Variants in RNF19A observed in about 807,000 individuals in gnomAD.
RNF19A encodes ring finger protein 19A, RBR E3 ubiquitin protein ligase.
A neutral mutation model predicts 75.7 loss-of-function variants in RNF19A; 32 were observed. That is an observed-to-expected ratio of 0.42 (90% CI 0.32 to 0.57). RNF19A has a LOEUF of 0.57. Among genes scored for constraint, RNF19A ranks in the 20% least tolerant of loss-of-function variants. RNF19A has a pLI of 0.10. For missense variants in RNF19A, 782 were observed against 1,036.3 expected (o/e 0.75, Z 3.37); for synonymous variants, 335 against 345.2 (o/e 0.97, Z 0.33).
chr8:100,281,857 A>G (rs1324259264), intron 2 of RNF19A, among the ~76,000 whole-genome samples: 1 of 152,214 alleles, frequency 6.6e-6, no homozygotes, highest in Non-Finnish European at 1.5e-5. Flanking sequence ...CAAGAGGCTC[A>G]TGTTTCTACT....
intron 2 of RNF19A, among the ~76,000 whole-genome samples, chr8:100,280,746 T>A (rs1008235043): frequency 2.0e-5 from 3 of 152,188 alleles, no homozygotes; most frequent in African/African-American, 7.2e-5. Context: ...ACCATAACAG[T>A]ATTAGGCACG....
intron 1 of RNF19A, among the ~76,000 whole-genome samples, chr8:100,328,799 G>A (rs989762449): frequency 6.6e-6 from 1 of 152,188 alleles, no homozygotes; most frequent in East Asian, 1.9e-4. Context: ...AGCAATGGTT[G>A]TGCAAATCTT....
At chr8:100,268,597 G>GT (rs945505123) in intron 5 of RNF19A, 188 bp downstream of exon 5, 3 of 386,414 alleles carry the variant, frequency 7.8e-6, no homozygotes, top group Non-Finnish European at 1.4e-5. Context: ...TGCTTTATAC[G>GT]TATTTATATA....
intron 1 of RNF19A, among the ~76,000 whole-genome samples, chr8:100,292,599 C>T (rs1563857113): frequency 6.6e-6 from 1 of 152,052 alleles, no homozygotes; most frequent in African/African-American, 2.4e-5. Flanking sequence ...CTTGCCCACT[C>T]TAAGATTATA....
intron 5 of RNF19A, 38 bp downstream of exon 5, chr8:100,268,747 G>GAAT: frequency 8.6e-7 from 1 of 1,158,818 alleles, no homozygotes; most frequent in Non-Finnish European, 1.2e-6. Flanking sequence ...TAAAGATTTA[G>GAAT]AATAAGATAA....
intron 3 of RNF19A, among the ~76,000 whole-genome samples, chr8:100,272,804 C>T (rs1022857239): frequency 3.3e-5 from 5 of 152,124 alleles, no homozygotes; most frequent in Non-Finnish European, 7.3e-5. Flanking sequence ...GCCGCTTTGG[C>T]CTCCCAAAGT....
rs1659453233 is a variant in RNF19A, at chr8:100,324,352, C to T, written c.-242-10980G>A. On this transcript the variant is annotated intron_variant, in intron 1 of 3. Transcript: ENST00000519527. This position sits in a 1 kb window ranked among gnomAD's most constrained non-coding sequence, Gnocchi z 4.2. The stretch of plus-strand genomic sequence containing the variant: ...CAATCAAGTTCAAGAGTTTGGATGA[C>T]TAAAGTTGATGATTAATCACAAAGA... 6.6e-6 allele frequency among the ~76,000 whole-genome samples: 1 copy of T among 152,158 alleles called. No individual in the cohort carries two copies. Among genetic ancestry groups the T allele is most frequent in the Admixed American group, 6.5e-5 (1 of 15,282 alleles).
Position 100,324,938 on chromosome 8 carries a change from A to T in RNF19A, c.-243+11170T>A. ...TTCTTTCTTTTCTTGATAGAGTCTC[A>T]CTCTGTCACCCAGGCTGGAGTGCAA... On this transcript the variant is annotated intron_variant, in intron 1 of 3. Transcript: ENST00000519527. The surrounding 1 kb of genome is among the most constrained non-coding windows in gnomAD (Gnocchi z 4.2). 7.4e-6 allele frequency among the ~76,000 whole-genome samples: 1 copy of T among 135,908 alleles called. No individual in the cohort carries two copies. Among genetic ancestry groups the T allele is most frequent in the Non-Finnish European group, 1.5e-5 (1 of 64,552 alleles). 89.2% of individuals were successfully genotyped at this position (135,908 alleles called of 152,430 possible). A position where few individuals can be genotyped will look rare whatever the true frequency, so the allele number is the denominator to read the frequency against.
At chr8:100,263,986 C>A (rs1819849273) in intron 7 of RNF19A, 48 bp downstream of exon 7, 1 of 1,546,216 alleles carries the variant, frequency 6.5e-7, no homozygotes, top group South Asian at 1.2e-5. Flanking sequence ...CTCCCCACTA[C>A]TTACACTGTT....
intron 2 of RNF19A, among the ~76,000 whole-genome samples, chr8:100,276,367 T>C (rs1427496665): frequency 1.3e-5 from 2 of 152,160 alleles, no homozygotes. Flanking sequence ...ATTTATATAT[T>C]TTTGAAATGT....
chr8:100,268,788 G>A lies in RNF19A; in HGVS notation c.1188C>T (p.Arg396=), dbSNP rs766240360. The change falls in exon 5 of 10, where the codon CGC becomes CGT. Residue 396 remains arginine (R), a synonymous_variant. Transcript: ENST00000341084. ...MIIGIPVYVG[R]KIHNRYEGKD... ...TAACAAGAAGTATGCATTTTACCTT[G>A]CGGCCCACATACACAGGAATGCCAA... The A allele has an allele frequency of 6.5e-7, 1 of 1,550,316 alleles. No homozygotes were observed. Among genetic ancestry groups the A allele is most frequent in the East Asian group, 2.4e-5 (1 of 41,398 alleles).
Position 100,259,279 on chromosome 8 carries a change from T to C in RNF19A, c.1827-33A>G, listed in dbSNP as rs1014722119. The C allele has an allele frequency of 3.9e-6, 6 of 1,537,340 alleles. No homozygotes were observed. The highest frequency in any genetic ancestry group is 4.5e-5 in the East Asian group (2 of 44,352). ...ATAAGAGTAACAAATACAAACATAA[T>C]TGCTGACTTCTTTTTGTTCAGATGA... On this transcript the variant is annotated intron_variant, in intron 9 of 9. Transcript: ENST00000341084. The surrounding 1 kb of genome is among the most constrained non-coding windows in gnomAD (Gnocchi z 4.5).
chr8:100,266,029 G>A (rs1320325933), intron 5 of RNF19A, among the ~76,000 whole-genome samples: 1 of 152,218 alleles, frequency 6.6e-6, no homozygotes, highest in Non-Finnish European at 1.5e-5. Context: ...GCAAAGGCAG[G>A]CTGCCAAGAG....
At chr8:100,297,245 TAA>T (rs764969844) in intron 1 of RNF19A, among the ~76,000 whole-genome samples, 2 of 152,222 alleles carry the variant, frequency 1.3e-5, no homozygotes, top group Non-Finnish European at 2.9e-5. Context: ...ATGTACAATC[TAA>T]ATACCTTTCA....
chr8:100,259,023 T>C lies in RNF19A; in HGVS notation c.2050A>G (p.Met684Val). 1.9e-6 allele frequency: 3 copies of C among 1,614,254 alleles called. No homozygotes were observed. The highest frequency in any genetic ancestry group is 1.6e-4 in the Middle Eastern group (1 of 6,062). The change falls in exon 10 of 10, where the codon ATG becomes GTG. Residue 684 changes from methionine (M) to valine (V), a missense_variant. Physicochemically the swap from Met to Val is conservative, Grantham distance 21. Transcript: ENST00000341084. This position sits in a 1 kb window ranked among gnomAD's most constrained non-coding sequence, Gnocchi z 4.5. ...TCCTCTCTCGTCTCATTTATCTTCA[T>C]GTTACCCTTTTTCCTCAGTTTACCA... ...KSGKLRKKGN[M>V]KINETREDMD... is the part of the protein sequence containing the mutation.
intron 1 of RNF19A, among the ~76,000 whole-genome samples, chr8:100,320,748 T>C (rs968258895): frequency 2.8e-5 from 4 of 143,844 alleles, no homozygotes; most frequent in Admixed American, 2.8e-4. Flanking sequence ...TAGCACAGTG[T>C]CTGGCACTTA....
At chr8:100,276,152 T>C (rs1341928704) in intron 2 of RNF19A, among the ~76,000 whole-genome samples, 1 of 152,152 alleles carries the variant, frequency 6.6e-6, no homozygotes, top group Admixed American at 6.5e-5. Context: ...TGTACACTAA[T>C]GTTCAAAGCA....
At chr8:100,263,489 G>A (rs1382911471) in intron 7 of RNF19A, among the ~76,000 whole-genome samples, 1 of 152,004 alleles carries the variant, frequency 6.6e-6, no homozygotes, top group Admixed American at 6.6e-5. Flanking sequence ...TAAGAAAGTA[G>A]GCATTATCTT....
At chr8:100,302,094 G>A (rs76872645) in intron 1 of RNF19A, among the ~76,000 whole-genome samples, 4,291 of 152,320 alleles carry the variant, frequency 0.028, 210 homozygotes, top group African/African-American at 0.095. Context: ...GGTTGTGTGG[G>A]GTTAAGGCCA....
Sources: allele counts gnomAD v4.1 joint callset (sites outside exome capture counted in the v4.1 genomes callset), GRCh38; gene constraint gnomAD v4.1.1; non-coding constraint Gnocchi (gnomAD v3.1); transcripts MANE v1.5; gene names NCBI Gene and HGNC (gene_info 2026-07-23, HGNC 2026-07-21).